The following XKR5 variants were observed in gnomAD, a reference collection of about 807,000 sequenced individuals.
XKR5 encodes the protein XK related 5.
Under a neutral mutation model 40.8 loss-of-function variants are expected in XKR5, and 46 were observed. The observed-to-expected ratio is 1.13, with a 90% confidence interval of 0.89 to 1.44. The LOEUF (loss-of-function observed/expected upper bound fraction) is 1.44. Among genes scored for constraint, XKR5 ranks in the 40% most tolerant of loss-of-function variants. The pLI is 0.00. For missense variants in XKR5, 1,169 were observed against 844.7 expected, an observed-to-expected ratio of 1.38 and a Z score of -4.76; for synonymous variants, 466 against 356.1, an observed-to-expected ratio of 1.31 and a Z score of -3.48.
At chr8:6,829,910 T>A (rs1196224236) in intron 2 of XKR5, among the ~76,000 whole-genome samples, 1 of 128,810 alleles carries the variant, frequency 7.8e-6, no homozygotes, top group Non-Finnish European at 1.6e-5. Flanking sequence ...CAATCTCGGC[T>A]CACTGCAAGT....
chr8:6,814,731 C>T (rs566526754), intron 6 of XKR5, among the ~76,000 whole-genome samples: 23 of 152,172 alleles, frequency 1.5e-4, no homozygotes, highest in Admixed American at 3.9e-4. Flanking sequence ...GAAGTGAGGA[C>T]CCGTGACGTC....
In XKR5 at chr8:6,823,700, A is replaced by G. The variant is rs1804341960; in HGVS notation, c.458T>C (p.Leu153Pro). The G allele has an allele frequency of 6.3e-7, 1 of 1,586,588 alleles. No individual in the cohort carries two copies. Among genetic ancestry groups the G allele is most frequent in the African/African-American group, 1.3e-5 (1 of 74,478 alleles). ...GVSTLFSWSS[L>P]SWALVSYTRF... Reference sequence around the variant, plus strand: ...AGTGTAGGACACCAGTGCCCAGGAGAGTGAGGACCAGGAAAACAGGGTGCT... The same window carrying G: ...AGTGTAGGACACCAGTGCCCAGGAGGGTGAGGACCAGGAAAACAGGGTGCT... The change falls in exon 4 of 7, where the codon CTC becomes CCC. Residue 153 changes from leucine (L) to proline (P), a missense_variant. Coordinates refer to ENST00000618742, the MANE Select transcript of XKR5 (RefSeq NM_207411.5).
In XKR5 at chr8:6,818,105, C is replaced by T. The variant is rs114573405; in HGVS notation, c.808-2187G>A. 6.1e-3 allele frequency among the ~76,000 whole-genome samples: 930 copies of T among 152,328 alleles called. 11 individuals are homozygous for T. The highest frequency in any genetic ancestry group is 0.022 in the African/African-American group (894 of 41,572). ...TGCAGGGCTCTTCCCTATGGCGATACACTCAGTGCAATCTGTTTTCATTGC... is the reference window on the plus strand; with the variant it reads ...TGCAGGGCTCTTCCCTATGGCGATATACTCAGTGCAATCTGTTTTCATTGC... On this transcript the variant is annotated intron_variant, in intron 5 of 6. Transcript: ENST00000618742.
chr8:6,833,753 C>T (rs774006610), intron 1 of XKR5, among the ~76,000 whole-genome samples: 15 of 152,172 alleles, frequency 9.9e-5, no homozygotes, highest in Admixed American at 2.6e-4. Context: ...AACACAGTGT[C>T]CCCATCACCA....
In XKR5 at chr8:6,811,329, C is replaced by T. The variant is rs530402325; in HGVS notation, c.1930G>A (p.Val644Met). The T allele has an allele frequency of 3.3e-6, 5 of 1,537,250 alleles. 1 individual carries two copies. In the South Asian group the frequency reaches 3.6e-5, roughly 11 times the overall value. The change falls in exon 7 of 7, where the codon GTG becomes ATG. Residue 644 changes from valine (V) to methionine (M), a missense_variant. Transcript: ENST00000618742. ...CTCAGCTGTGGCAATGACACCCACA[C>T]ACCAACAGCTGCATGGTGACTTAGC... is the stretch of plus-strand genomic sequence containing the variant. ...RELSHHAAVG[V>M]WVSLPQLRTA...
intron 5 of XKR5, among the ~76,000 whole-genome samples, chr8:6,818,284 C>G (rs1194792595): frequency 6.6e-6 from 1 of 152,230 alleles, no homozygotes; most frequent in African/African-American, 2.4e-5. Context: ...GAACCTTGCT[C>G]ACCACATAGC....
At chr8:6,818,671 G>C (rs1361752212) in intron 5 of XKR5, among the ~76,000 whole-genome samples, 2 of 152,182 alleles carry the variant, frequency 1.3e-5, no homozygotes, top group East Asian at 3.8e-4. Flanking sequence ...TGGATTCCCA[G>C]GTTGCAGTCA....
At chr8:6,823,768 A>T in intron 3 of XKR5, 38 bp from the exon 4 acceptor site, 1 of 1,495,434 alleles carries the variant, frequency 6.7e-7, no homozygotes, top group Non-Finnish European at 9.1e-7. Context: ...TGCTCTGAAG[A>T]TTCCGAAGTA....
intron 2 of XKR5, among the ~76,000 whole-genome samples, chr8:6,829,005 C>T (rs886908486): frequency 8.5e-5 from 13 of 152,186 alleles, no homozygotes; most frequent in African/African-American, 3.1e-4. Context: ...CTTGCTGTGT[C>T]GGAAACGCCT....
At chr8:6,830,916 C>G (rs1297947258) in intron 2 of XKR5, among the ~76,000 whole-genome samples, 1 of 152,204 alleles carries the variant, frequency 6.6e-6, no homozygotes, top group East Asian at 1.9e-4. Context: ...CCGTGGTCCC[C>G]TGGCAGCCCT....
Position 6,825,169 on chromosome 8 carries a change from C to A in XKR5, c.423G>T (p.Val141=), listed in dbSNP as rs369317395. ...VFLASDFTDI[V]PGVSTLFSWS... ...TCTGTGGTGACAGTTACTCACCTGGCACAATATCTGTGAAGTCTGAGGCTA... is the reference window on the plus strand; with the variant it reads ...TCTGTGGTGACAGTTACTCACCTGGAACAATATCTGTGAAGTCTGAGGCTA... Residue 141 remains valine, a synonymous_variant, in exon 3 of 7, where the codon GTG becomes GTT. Coordinates refer to ENST00000618742, the MANE Select transcript of XKR5 (RefSeq NM_207411.5). The A allele has an allele frequency of 1.2e-6, 2 of 1,613,422 alleles. No individual in the cohort carries two copies. The highest frequency in any genetic ancestry group is 1.6e-4 in the Middle Eastern group (1 of 6,082).
intron 5 of XKR5, among the ~76,000 whole-genome samples, chr8:6,821,350 G>T (rs76712005): frequency 6.6e-6 from 1 of 152,096 alleles, no homozygotes; most frequent in African/African-American, 2.4e-5. Flanking sequence ...ATCTAGCTAC[G>T]TTCTGTCTGA....
chr8:6,815,697 G>C (rs1021282489), intron 6 of XKR5, 110 bp downstream of exon 6: 2 of 716,660 alleles, frequency 2.8e-6, no homozygotes, highest in African/African-American at 1.8e-5. Context: ...TGGTTCCTTG[G>C]TCTCCAGTTA....
At chr8:6,833,175 G>A (rs1308679860) in intron 1 of XKR5, among the ~76,000 whole-genome samples, 1 of 152,130 alleles carries the variant, frequency 6.6e-6, no homozygotes, top group African/African-American at 2.4e-5. Context: ...ATCTTCTTTT[G>A]CCTTAATCAT....
intron 5 of XKR5, among the ~76,000 whole-genome samples, chr8:6,819,635 C>T (rs1317119661): frequency 2.0e-5 from 3 of 152,178 alleles, no homozygotes; most frequent in African/African-American, 4.8e-5. Flanking sequence ...TGGTGAAGTG[C>T]GAGGTGAGCA....
chr8:6,814,832 G>A (rs963250823), intron 6 of XKR5, among the ~76,000 whole-genome samples: 6 of 152,140 alleles, frequency 3.9e-5, no homozygotes, highest in South Asian at 2.1e-4. Flanking sequence ...TCTCTGACCC[G>A]TGAACAGCCC....
chr8:6,829,893 A>C (rs1308966484), intron 2 of XKR5, among the ~76,000 whole-genome samples: 1 of 119,932 alleles, frequency 8.3e-6, no homozygotes, highest in African/African-American at 3.2e-5. Flanking sequence ...GCTGGAGTCC[A>C]GTGATGCAAT....
intron 6 of XKR5, among the ~76,000 whole-genome samples, chr8:6,812,640 G>A (rs1803787522): frequency 1.3e-5 from 2 of 152,216 alleles, no homozygotes; most frequent in African/African-American, 4.8e-5. Flanking sequence ...GTGTGAGTGT[G>A]CATTCATGCA....
chr8:6,825,542 G>C (rs893327775), intron 2 of XKR5, among the ~76,000 whole-genome samples, 193 bp from the exon 3 acceptor site: 2 of 151,504 alleles, frequency 1.3e-5, no homozygotes, highest in African/African-American at 4.8e-5. Context: ...AGTTCCCCGA[G>C]TCCTGTGGTG....
Sources: allele counts gnomAD v4.1 joint callset (sites outside exome capture counted in the v4.1 genomes callset), GRCh38; gene constraint gnomAD v4.1.1; transcripts MANE v1.5; gene names NCBI Gene and HGNC (gene_info 2026-07-23, HGNC 2026-07-21).